NBEA: variants seen among roughly 807,000 people sequenced by gnomAD.
NBEA encodes the protein neurobeachin.
Under a neutral mutation model 343.4 loss-of-function variants are expected in NBEA, and 44 were observed. The observed-to-expected ratio is 0.13, with a 90% CI of 0.10 to 0.16. The LOEUF is 0.16. Ranked by LOEUF, NBEA falls within the 10% of genes least tolerant of loss-of-function variation. NBEA has a pLI of 1.00. For missense variants in NBEA, 2,555 were observed against 3,631.3 expected, an observed-to-expected ratio of 0.70 and a Z score of 7.62; for synonymous variants, 1,175 against 1,238.7, an observed-to-expected ratio of 0.95 and a Z score of 1.08.
chr13:35,048,466 TTTGA>T, intron 4 of NBEA, 93 bp from the exon 5 acceptor site: 2 of 1,142,616 alleles, frequency 1.8e-6, no homozygotes, highest in African/African-American at 1.6e-5. Flanking sequence ...GTATTTATAC[TTTGA>T]TTGTTATTTA....
chr13:35,426,551 C>T (rs1441127884), intron 38 of NBEA, among the ~76,000 whole-genome samples: 4 of 152,102 alleles, frequency 2.6e-5, no homozygotes, highest in African/African-American at 9.7e-5. Context: ...GTGGGTAACC[C>T]GACCTTTCTC....
At chr13:35,101,988 TTC>T (rs2065668917) in intron 11 of NBEA, among the ~76,000 whole-genome samples, 1 of 151,826 alleles carries the variant, frequency 6.6e-6, no homozygotes, top group Non-Finnish European at 1.5e-5. Flanking sequence ...CATAAGATTA[TTC>T]TGTTTCCTTC....
At chr13:35,457,199 T>C (rs1013745202) in intron 40 of NBEA, among the ~76,000 whole-genome samples, 2 of 152,078 alleles carry the variant, frequency 1.3e-5, no homozygotes, top group African/African-American at 4.8e-5. Flanking sequence ...AAAACACTTA[T>C]GAAATATTCA....
Position 35,040,990 on chromosome 13 carries a change from A to G in NBEA, c.352A>G (p.Ile118Val), listed in dbSNP as rs765805802. 1.2e-6 allele frequency: 2 copies of G among 1,613,174 alleles called. No individual in the cohort carries two copies. The highest frequency in any genetic ancestry group is 1.7e-6 in the Non-Finnish European group (2 of 1,179,438). ...MNFIIQDAES[I>V]TCMTELLEHC... ...CTTTATTATCCAGGATGCTGAGAGT[A>G]TAACATGTATGACAGAGCTTTTGGA... The change falls in exon 2 of 59, where the codon ATA becomes GTA. Residue 118 changes from isoleucine (I) to valine (V), a missense_variant. Ile to Val is a conservative substitution (Grantham distance 29, BLOSUM62 3). Transcript: ENST00000379939.
intron 34 of NBEA, among the ~76,000 whole-genome samples, chr13:35,287,480 T>C (rs1477692294): frequency 6.6e-6 from 1 of 152,094 alleles, no homozygotes; most frequent in African/African-American, 2.4e-5. Flanking sequence ...TCTTTGGTTT[T>C]CACCCTAGCC....
At chr13:35,663,870 T>C (rs2085222066) in intron 55 of NBEA, among the ~76,000 whole-genome samples, 1 of 152,160 alleles carries the variant, frequency 6.6e-6, no homozygotes, top group Admixed American at 6.5e-5. Context: ...GTCCCCCTTC[T>C]CCCACACTCC....
intron 8 of NBEA, among the ~76,000 whole-genome samples, chr13:35,065,776 A>G (rs980597055): frequency 6.6e-6 from 1 of 152,170 alleles, no homozygotes; most frequent in Non-Finnish European, 1.5e-5. Flanking sequence ...GTAACTACTG[A>G]CATGATGGTT....
chr13:35,585,239 C>G (rs1284060094), intron 46 of NBEA, among the ~76,000 whole-genome samples: 1 of 151,230 alleles, frequency 6.6e-6, no homozygotes, highest in Non-Finnish European at 1.5e-5. Context: ...TCCTGCAGTG[C>G]ACTGTGGTAC....
intron 34 of NBEA, among the ~76,000 whole-genome samples, chr13:35,273,266 C>A (rs987636583): frequency 1.3e-5 from 2 of 152,006 alleles, no homozygotes; most frequent in East Asian, 3.9e-4. Context: ...GGGTAAATAA[C>A]GAAATGAAGG....
In NBEA at chr13:35,183,919, C is replaced by T. The variant is rs529491615; in HGVS notation, c.4832-57C>T. ...AGAATTGTCATGGATCTTCAGTGGA[C>T]CATGTGGCAGGTTGTTACATGCTGG... On this transcript the variant is annotated intron_variant, in intron 29 of 58. Transcript: ENST00000379939. The T allele has an allele frequency of 6.7e-5, 84 of 1,249,226 alleles. No individual in the cohort carries two copies. In the African/African-American group the frequency reaches 1.1e-3, roughly 16 times the overall value. 77.4% of individuals were successfully genotyped at this position (1,249,226 alleles called of 1,614,324 possible). A position where few individuals can be genotyped will look rare whatever the true frequency, so the allele number is the denominator to read the frequency against.
At chr13:35,272,675 T>C (rs577360222) in intron 34 of NBEA, among the ~76,000 whole-genome samples, 20 of 151,448 alleles carry the variant, frequency 1.3e-4, no homozygotes, top group Non-Finnish European at 2.8e-4. Flanking sequence ...ACCAAGCAAA[T>C]GGAAAGCAAA....
intron 38 of NBEA, among the ~76,000 whole-genome samples, chr13:35,428,141 C>G (rs1320183245): frequency 6.6e-6 from 1 of 152,132 alleles, no homozygotes; most frequent in Non-Finnish European, 1.5e-5. Flanking sequence ...ACCCACTGTC[C>G]TGCACCCACT....
intron 28 of NBEA, among the ~76,000 whole-genome samples, 158 bp downstream of exon 28, chr13:35,177,261 C>G (rs1402182823): frequency 1.3e-5 from 2 of 151,868 alleles, no homozygotes; most frequent in East Asian, 3.9e-4. Flanking sequence ...TGAACCTTAG[C>G]TTTCTCTGAA....
chr13:35,642,747 C>A (rs2084023336), intron 49 of NBEA, among the ~76,000 whole-genome samples: 1 of 152,052 alleles, frequency 6.6e-6, no homozygotes, highest in Non-Finnish European at 1.5e-5. Flanking sequence ...AATCCAATTT[C>A]TTGTATGCCA....
intron 41 of NBEA, among the ~76,000 whole-genome samples, chr13:35,537,221 A>T (rs2078601070): frequency 6.6e-6 from 1 of 152,156 alleles, no homozygotes; most frequent in Non-Finnish European, 1.5e-5. Flanking sequence ...CCTCAATCAT[A>T]GACACCCATT....
At chr13:35,492,720 G>A (rs1047874962) in intron 41 of NBEA, among the ~76,000 whole-genome samples, 3 of 151,914 alleles carry the variant, frequency 2.0e-5, no homozygotes, top group Admixed American at 1.3e-4. Flanking sequence ...GTTGCATTGT[G>A]GAAGATAAAT....
intron 6 of NBEA, among the ~76,000 whole-genome samples, chr13:35,055,627 A>G (rs929706188): frequency 6.6e-6 from 1 of 152,112 alleles, no homozygotes; most frequent in African/African-American, 2.4e-5. Context: ...TAATTGTGTC[A>G]TATATATTTC....
At chr13:35,241,089 G>T (rs1421170806) in intron 34 of NBEA, among the ~76,000 whole-genome samples, 6 of 151,678 alleles carry the variant, frequency 4.0e-5, no homozygotes, top group Admixed American at 3.9e-4. Context: ...ATAAAAATTT[G>T]ATTTAAAATA....
intron 1 of NBEA, among the ~76,000 whole-genome samples, chr13:35,035,833 T>C (rs2062419992): frequency 6.6e-6 from 1 of 152,024 alleles, no homozygotes; most frequent in Admixed American, 6.6e-5. Flanking sequence ...TAGTGACTTC[T>C]GCTCTTTTTT....
Sources: allele counts gnomAD v4.1 joint callset (sites outside exome capture counted in the v4.1 genomes callset), GRCh38; gene constraint gnomAD v4.1.1; transcripts MANE v1.5; gene names NCBI Gene and HGNC (gene_info 2026-07-23, HGNC 2026-07-21).